The following TNS1 variants were observed in gnomAD, a reference collection of about 807,000 sequenced individuals.
The protein encoded by TNS1 is tensin-1.
A neutral mutation model predicts 168.6 loss-of-function variants in TNS1; 62 were observed. That is an observed-to-expected ratio of 0.37 (90% CI 0.30 to 0.45). The LOEUF (loss-of-function observed/expected upper bound fraction) is 0.45. Ranked by LOEUF, TNS1 falls within the 20% of genes least tolerant of loss-of-function variation. The pLI is 1.00. For missense variants in TNS1, 2,240 were observed against 2,339.4 expected (o/e 0.96, Z 0.88); for synonymous variants, 934 against 933.2 (o/e 1.00, Z -0.02).
chr2:217,860,528 G>A (rs1948685352), intron 18 of TNS1, among the ~76,000 whole-genome samples: 1 of 151,974 alleles, frequency 6.6e-6, no homozygotes, highest in Non-Finnish European at 1.5e-5. Flanking sequence ...ACAAACCTCG[G>A]GCTCTTGAAA....
At chr2:217,877,558 G>T (rs1049265629) in intron 18 of TNS1, among the ~76,000 whole-genome samples, 1 of 152,174 alleles carries the variant, frequency 6.6e-6, no homozygotes, top group African/African-American at 2.4e-5. Flanking sequence ...TTTATGACTA[G>T]CCCAGCCACC....
rs191674499 is a variant in TNS1, at chr2:217,865,685, C to T, written c.1429+15213G>A. Among the ~76,000 whole-genome samples, 6 of 152,306 alleles carry T rather than the reference C, an allele frequency of 3.9e-5. No individual in the cohort carries two copies. In the East Asian group the frequency reaches 9.6e-4, roughly 24 times the overall value. ...ACATCCATCAACAGCTCTGTTGCTG[C>T]TTCCCAGGGCACAGGGAGATAAATG... On this transcript the variant is annotated intron_variant, in intron 18 of 32. Coordinates refer to ENST00000682258, the MANE Select transcript of TNS1 (RefSeq NM_001387777.1).
chr2:218,008,539 C>T (rs1958679742), intron 1 of TNS1, among the ~76,000 whole-genome samples: 1 of 152,256 alleles, frequency 6.6e-6, no homozygotes, highest in Non-Finnish European at 1.5e-5. Context: ...GTGGACAGGG[C>T]TCCAGCCCTG....
chr2:217,804,283 T>TCC lies in TNS1; in HGVS notation c.*175_*176insGG. 1 of 684,924 alleles carries TCC rather than the reference T, an allele frequency of 1.5e-6. No individual in the cohort carries two copies. Among genetic ancestry groups the TCC allele is most frequent in the Non-Finnish European group, 2.4e-6 (1 of 412,586 alleles). The allele number at this position is 684,924 out of a possible 1,614,324, so 42.4% of individuals were successfully genotyped here. On this transcript the variant is annotated 3_prime_UTR_variant, in exon 33 of 33. Coordinates refer to ENST00000682258, the MANE Select transcript of TNS1 (RefSeq NM_001387777.1). The stretch of plus-strand genomic sequence containing the variant: ...CTCTCTCTCTCTCTCTCTCTCTCTC[T>TCC]CTCTCTTTTCCCCCTCCCCTCTGCA...
Position 217,818,154 on chromosome 2 carries a change from C to T in TNS1, c.4178G>A (p.Ser1393Asn), listed in dbSNP as rs1942212849. The T allele has an allele frequency of 1.2e-6, 2 of 1,613,682 alleles. No homozygotes were observed. Among genetic ancestry groups the T allele is most frequent in the African/African-American group, 2.7e-5 (2 of 74,854 alleles). ...GCTTCCAGGGCTGGCTATTGCATTG[C>T]TATGAAGACCGGAGGCCAGGTTGCC... Reference protein sequence around the residue: ...HQGNLASGLHSNAIASPGSPS... With the variant: ...HQGNLASGLHNNAIASPGSPS... The change falls in exon 24 of 33, where the codon AGC becomes AAC. Residue 1393 changes from serine to asparagine, a missense_variant. Physicochemically the swap from Ser to Asn is conservative, Grantham distance 46 (BLOSUM62 1). Coordinates refer to ENST00000682258, the MANE Select transcript of TNS1 (RefSeq NM_001387777.1).
chr2:217,847,611 G>A lies in TNS1; in HGVS notation c.2906C>T (p.Ala969Val), dbSNP rs770344637. Residue 969 changes from alanine (A) to valine (V), a missense_variant, in exon 19 of 33, where the codon GCT becomes GTT. Ala to Val is a moderately conservative substitution (Grantham distance 64, BLOSUM62 0). Around this residue, in one of 2 missense-constraint regions of TNS1, gnomAD observed 2,131 missense variants for 2,171.2 expected, o/e 0.98. Coordinates refer to ENST00000682258, the MANE Select transcript of TNS1 (RefSeq NM_001387777.1). ...QPPASLPGLTAQPLLSPKEAT... is the reference protein window; with the variant it reads ...QPPASLPGLTVQPLLSPKEAT... ...TTCCTTTGGTGAGAGCAGAGGCTGAGCAGTGAGGCCAGGGAGAGAGGCTGG... is the reference window on the plus strand; with the variant it reads ...TTCCTTTGGTGAGAGCAGAGGCTGAACAGTGAGGCCAGGGAGAGAGGCTGG... 3 of 1,566,570 alleles carry A rather than the reference G, an allele frequency of 1.9e-6. No individual in the cohort carries two copies. Among genetic ancestry groups the A allele is most frequent in the Non-Finnish European group, 2.6e-6 (3 of 1,147,978 alleles).
At chr2:217,826,189 C>T (rs1192513480) in intron 22 of TNS1, among the ~76,000 whole-genome samples, 1 of 152,208 alleles carries the variant, frequency 6.6e-6, no homozygotes, top group East Asian at 1.9e-4. Flanking sequence ...CCCTTCCATA[C>T]AATCTCTACT....
At chr2:217,892,203 G>T (rs182305964) in intron 11 of TNS1, among the ~76,000 whole-genome samples, 1 of 152,128 alleles carries the variant, frequency 6.6e-6, no homozygotes, top group Admixed American at 6.5e-5. Context: ...AGATTCAAGG[G>T]ATTCTCCTGC....
chr2:217,949,689 G>C (rs1367149942), intron 3 of TNS1, among the ~76,000 whole-genome samples: 1 of 151,752 alleles, frequency 6.6e-6, no homozygotes, highest in Non-Finnish European at 1.5e-5. Flanking sequence ...ATACTTATCA[G>C]TAACTTAGGT....
At chr2:217,954,934 T>C (rs1957325330) in intron 3 of TNS1, among the ~76,000 whole-genome samples, 3 of 151,594 alleles carry the variant, frequency 2.0e-5, no homozygotes, top group African/African-American at 7.3e-5. Context: ...CACAGAAGGG[T>C]CCTCAGACAC....
At chr2:217,919,892 C>T (rs1161884691) in intron 4 of TNS1, among the ~76,000 whole-genome samples, 1 of 152,222 alleles carries the variant, frequency 6.6e-6, no homozygotes, top group Non-Finnish European at 1.5e-5. Context: ...GCCCCTGGTC[C>T]TCTGAGTCCC....
At chr2:217,915,253 G>C (rs528402119) in intron 4 of TNS1, among the ~76,000 whole-genome samples, 1 of 152,184 alleles carries the variant, frequency 6.6e-6, no homozygotes, top group South Asian at 2.1e-4. Flanking sequence ...TCCAGTTAAC[G>C]TCACATCCTT....
At chr2:217,829,398 G>A (rs775288124) in intron 22 of TNS1, among the ~76,000 whole-genome samples, 43 of 152,174 alleles carry the variant, frequency 2.8e-4, no homozygotes, top group Non-Finnish European at 7.4e-5. Context: ...AAAAAAAGGC[G>A]TCATTCAGGC....
At chr2:217,887,115 A>G (rs544674288) in intron 12 of TNS1, among the ~76,000 whole-genome samples, 2 of 152,326 alleles carry the variant, frequency 1.3e-5, no homozygotes, top group African/African-American at 2.4e-5. Context: ...AGTTCTGCCC[A>G]CAGATCCAGT....
intron 18 of TNS1, among the ~76,000 whole-genome samples, chr2:217,868,023 T>C (rs1423933092): frequency 6.6e-6 from 1 of 152,272 alleles, no homozygotes; most frequent in East Asian, 1.9e-4. Context: ...AACCGCCGCA[T>C]GGCAGGGATC....
chr2:217,876,931 T>C (rs1037389429), intron 18 of TNS1, among the ~76,000 whole-genome samples: 7 of 152,162 alleles, frequency 4.6e-5, no homozygotes, highest in Non-Finnish European at 8.8e-5. Flanking sequence ...GGGTCTGTGG[T>C]GCTTTGCTGT....
In TNS1 at chr2:218,032,231, C is replaced by T. The variant is rs1958904668; in HGVS notation, c.156+1589G>A. Among the ~76,000 whole-genome samples, 1 of 152,200 alleles carries T rather than the reference C, an allele frequency of 6.6e-6. No homozygotes were observed. Among genetic ancestry groups the T allele is most frequent in the Non-Finnish European group, 1.5e-5 (1 of 68,038 alleles). ...GGAGGCTTAAGAGCCAAGGCATGCACCCTCTCAAAGCCAAGGGGAGGAGCA... is the reference window on the plus strand; with the variant it reads ...GGAGGCTTAAGAGCCAAGGCATGCATCCTCTCAAAGCCAAGGGGAGGAGCA... On this transcript the variant is annotated intron_variant, in intron 1 of 1. Transcript: ENST00000649572. The surrounding 1 kb of genome is among the most constrained non-coding windows in gnomAD (Gnocchi z 4.0).
At chr2:218,021,568 C>T (rs2106009573) in intron 1 of TNS1, among the ~76,000 whole-genome samples, 1 of 152,338 alleles carries the variant, frequency 6.6e-6, no homozygotes, top group South Asian at 2.1e-4. Context: ...TCGAGTTCTG[C>T]CCTTATCACA....
intron 25 of TNS1, among the ~76,000 whole-genome samples, chr2:217,814,447 G>A (rs1261459451): frequency 3.3e-5 from 5 of 152,190 alleles, no homozygotes; most frequent in Admixed American, 2.0e-4. Context: ...GCCAGCAGGT[G>A]TGGGGGCGCC....
Sources: gnomAD v4.1 joint callset for allele counts (sites outside exome capture counted in the v4.1 genomes callset) on GRCh38, gnomAD v4.1.1 for gene constraint, gnomAD v4.1.1 regional missense constraint, Gnocchi (gnomAD v3.1) non-coding constraint, MANE v1.5 for transcripts, NCBI Gene and HGNC (gene_info 2026-07-23, HGNC 2026-07-21) for gene names.